Variants in LRP6 observed in about 807,000 individuals in gnomAD.
LRP6 encodes LDL receptor related protein 6.
In LRP6, 43 loss-of-function variants were observed where a neutral mutation model predicts 184.1. That is an observed-to-expected ratio of 0.23 (90% CI 0.18 to 0.30). The LOEUF (loss-of-function observed/expected upper bound fraction) is 0.30, where lower values mean the gene tolerates loss of function less well. Ranked by LOEUF, LRP6 falls within the 10% of genes least tolerant of loss-of-function variation. The probability of loss-of-function intolerance (pLI) is 1.00; values close to 1 mark genes in which losing one functional copy is unlikely to be tolerated. For synonymous variants in LRP6, 719 were observed against 684.9 expected, an observed-to-expected ratio of 1.05 and a Z score of -0.78; for missense variants, 1,571 against 2,005.3, an observed-to-expected ratio of 0.78 and a Z score of 4.14.
At chr12:12,135,139 A>G (rs1185970079) in intron 17 of LRP6, 36 bp downstream of exon 17, 1 of 1,613,246 alleles carries the variant, frequency 6.2e-7, no homozygotes, top group Non-Finnish European at 8.5e-7. Context: ...ATATGTTTGC[A>G]TTTAGGGTTG....
chr12:12,206,262 G>A (rs979040674), intron 2 of LRP6, among the ~76,000 whole-genome samples: 2 of 152,130 alleles, frequency 1.3e-5, no homozygotes, highest in African/African-American at 4.8e-5. Flanking sequence ...TTTCATTTTG[G>A]CCAGGTGCGG....
chr12:12,138,913 C>G, intron 15 of LRP6: 2 of 1,369,754 alleles, frequency 1.5e-6, no homozygotes, highest in Non-Finnish European at 2.0e-6. Context: ...TTATGAAGAA[C>G]AGCTTCACTC....
At chr12:12,215,993 CAA>C (rs1334500263) in intron 2 of LRP6, among the ~76,000 whole-genome samples, 1 of 151,994 alleles carries the variant, frequency 6.6e-6, no homozygotes, top group Non-Finnish European at 1.5e-5. Flanking sequence ...GCCTGGGCGA[CAA>C]GAGGGAAACT....
chr12:12,177,138 G>A (rs57055264), intron 7 of LRP6, among the ~76,000 whole-genome samples: 19 of 151,992 alleles, frequency 1.3e-4, no homozygotes, highest in East Asian at 9.7e-4. Flanking sequence ...GAGCCACCGC[G>A]CCCGGCCAAC....
intron 16 of LRP6, 97 bp downstream of exon 16, chr12:12,138,228 G>C (rs191987567): frequency 8.5e-7 from 1 of 1,171,380 alleles, no homozygotes; most frequent in East Asian, 2.4e-5. Context: ...GTGCATGAAA[G>C]TCTTCAAGGA....
intron 2 of LRP6, among the ~76,000 whole-genome samples, chr12:12,209,307 A>C (rs1024026357): frequency 6.4e-4 from 97 of 152,388 alleles, no homozygotes; most frequent in African/African-American, 2.3e-3. Context: ...AAAATGTTAC[A>C]AATGAGTGAG....
At position 12,244,298 on chromosome 12, in the gene LRP6, T is replaced by G. The variant is rs1865133720; in HGVS notation, c.413A>C (p.Asp138Ala). 1 of 1,614,060 alleles carries G rather than the reference T, an allele frequency of 6.2e-7. No homozygotes were observed. Among genetic ancestry groups the G allele is most frequent in the Admixed American group, 1.7e-5 (1 of 59,998 alleles). Reference protein sequence around the residue: ...LRKVLFWQELDQPRAIALDPS... With the variant: ...LRKVLFWQELAQPRAIALDPS... ...ATCTAAGGCAATAGCTCTGGGTTGA[T>G]CCAACTCTTGCCAAAATAAAACTTT... Residue 138 changes from aspartate (D) to alanine (A), a missense_variant, in exon 2 of 23, where the codon GAT becomes GCT. Coordinates refer to ENST00000261349, the MANE Select transcript of LRP6 (RefSeq NM_002336.3).
At chr12:12,172,367 C>T (rs1863069424) in intron 7 of LRP6, among the ~76,000 whole-genome samples, 1 of 152,200 alleles carries the variant, frequency 6.6e-6, no homozygotes, top group African/African-American at 2.4e-5. Flanking sequence ...GACATCACAT[C>T]CAGTTTTTGA....
intron 22 of LRP6, among the ~76,000 whole-genome samples, chr12:12,124,067 T>G (rs1481615364): frequency 1.4e-5 from 2 of 147,094 alleles, no homozygotes; most frequent in African/African-American, 2.5e-5. Context: ...CATTTGTGAC[T>G]CTCTTAAAAA....
intron 7 of LRP6, among the ~76,000 whole-genome samples, chr12:12,176,025 C>CT (rs1407609538): frequency 4.7e-5 from 2 of 42,442 alleles, no homozygotes; most frequent in Non-Finnish European, 4.2e-5. Flanking sequence ...AAACCTGATC[C>CT]TAAAAAAAAA....
In LRP6 at chr12:12,258,289, T is replaced by A. The variant is rs185297660; in HGVS notation, c.55+8392A>T. Among the ~76,000 whole-genome samples, 347 of 152,230 alleles carry A rather than the reference T, an allele frequency of 2.3e-3. 1 individual carries two copies. Among genetic ancestry groups the A allele is most frequent in the African/African-American group, 8.1e-3 (336 of 41,522 alleles). The stretch of plus-strand genomic sequence containing the variant: ...GTGCCATCGTGACCAGATAATTTTT[T>A]AATTTTTTATAGATGTTTCCCAGGC... On this transcript the variant is annotated intron_variant, in intron 1 of 22. Transcript: ENST00000261349.
intron 3 of LRP6, among the ~76,000 whole-genome samples, chr12:12,196,955 TTC>T (rs1245060369): frequency 6.6e-6 from 1 of 152,184 alleles, no homozygotes; most frequent in Non-Finnish European, 1.5e-5. Flanking sequence ...ATTCTGCCAT[TTC>T]TTTTTCATTT....
intron 2 of LRP6, among the ~76,000 whole-genome samples, chr12:12,235,602 T>G (rs1247546876): frequency 6.6e-6 from 1 of 151,874 alleles, no homozygotes; most frequent in Non-Finnish European, 1.5e-5. Context: ...TAGTGGCGCA[T>G]GCCTGTAATC....
At chr12:12,243,992 G>A (rs1483836837) in intron 2 of LRP6, among the ~76,000 whole-genome samples, 5 of 152,124 alleles carry the variant, frequency 3.3e-5, no homozygotes, top group African/African-American at 9.7e-5. Flanking sequence ...GCTGAAATGG[G>A]AGGATCACTT....
At chr12:12,147,983 T>C (rs1950033186) in intron 14 of LRP6, among the ~76,000 whole-genome samples, 1 of 149,378 alleles carries the variant, frequency 6.7e-6, no homozygotes, top group African/African-American at 2.5e-5. Flanking sequence ...TCCAAATATA[T>C]ATATATATAT....
At chr12:12,175,556 A>G (rs932022965) in intron 7 of LRP6, among the ~76,000 whole-genome samples, 3 of 151,502 alleles carry the variant, frequency 2.0e-5, no homozygotes, top group Non-Finnish European at 2.9e-5. Flanking sequence ...GCGTGGTAGC[A>G]GACGCCTGTA....
intron 6 of LRP6, among the ~76,000 whole-genome samples, chr12:12,180,392 C>T (rs1344357432): frequency 6.6e-6 from 1 of 152,014 alleles, no homozygotes; most frequent in African/African-American, 2.4e-5. Context: ...ATAACTATTT[C>T]TTCCTGCAGT....
intron 1 of LRP6, among the ~76,000 whole-genome samples, chr12:12,257,779 C>CAAAAAAAAAAAAAAA (rs1163180718): frequency 1.2e-3 from 44 of 35,320 alleles, no homozygotes; most frequent in East Asian, 2.8e-3. Context: ...CCTGTCTCTA[C>CAAAAAAAAAAAAAAA]AAAAAAAAAA....
intron 10 of LRP6, among the ~76,000 whole-genome samples, chr12:12,161,736 T>A (rs981647855): frequency 2.6e-5 from 4 of 152,330 alleles, no homozygotes; most frequent in African/African-American, 9.6e-5. Flanking sequence ...TGCCAGTTTA[T>A]AATAATGATC....
Sources: allele counts gnomAD v4.1 joint callset (sites outside exome capture counted in the v4.1 genomes callset), GRCh38; gene constraint gnomAD v4.1.1; transcripts MANE v1.5; gene names NCBI Gene and HGNC (gene_info 2026-07-23, HGNC 2026-07-21).